The following CSMD1 variants were observed in gnomAD, a reference collection of about 807,000 sequenced individuals.
CSMD1 encodes the protein CUB and sushi domain-containing protein 1.
In CSMD1, 213 loss-of-function variants were observed where a neutral mutation model predicts 417.5. That is an observed-to-expected ratio of 0.51 (90% CI 0.46 to 0.57). CSMD1 has a LOEUF of 0.57. Ranked by LOEUF, CSMD1 falls within the 20% of genes least tolerant of loss-of-function variation. The probability of loss-of-function intolerance (pLI) is 0.00; values close to 1 mark genes in which losing one functional copy is unlikely to be tolerated. For missense variants in CSMD1, 6,923 were observed against 4,529.7 expected (o/e 1.53, Z -15.17); for synonymous variants, 2,862 against 1,736.8 (o/e 1.65, Z -16.11).
chr8:3,901,032 G>C (rs1807715339), intron 5 of CSMD1, among the ~76,000 whole-genome samples: 1 of 152,026 alleles, frequency 6.6e-6, no homozygotes, highest in South Asian at 2.1e-4. Flanking sequence ...ACATTACTTT[G>C]GTAATAAGAT....
chr8:4,479,791 C>G (rs761549612), intron 2 of CSMD1, among the ~76,000 whole-genome samples: 1 of 151,688 alleles, frequency 6.6e-6, no homozygotes, highest in Non-Finnish European at 1.5e-5. Flanking sequence ...AGAGAAACCC[C>G]GTTCTCTACT....
chr8:4,002,089 G>A (rs1225027126), intron 4 of CSMD1, among the ~76,000 whole-genome samples: 1 of 152,108 alleles, frequency 6.6e-6, no homozygotes, highest in African/African-American at 2.4e-5. Flanking sequence ...TTGATTAATT[G>A]AATATTACAC....
chr8:4,144,750 TCAGA>T (rs1425966685), intron 3 of CSMD1, among the ~76,000 whole-genome samples: 1 of 151,062 alleles, frequency 6.6e-6, no homozygotes, highest in Non-Finnish European at 1.5e-5. Context: ...TAGAGACTTC[TCAGA>T]CATAGGAGAA....
chr8:3,882,314 G>C (rs1806260832), intron 5 of CSMD1, among the ~76,000 whole-genome samples: 1 of 152,160 alleles, frequency 6.6e-6, no homozygotes, highest in Non-Finnish European at 1.5e-5. Flanking sequence ...AACTTCATTA[G>C]CAGTCAGATA....
intron 1 of CSMD1, among the ~76,000 whole-genome samples, chr8:4,821,153 C>T (rs1435295298): frequency 1.3e-5 from 2 of 152,140 alleles, no homozygotes; most frequent in Non-Finnish European, 2.9e-5. Flanking sequence ...TTCTCTGAGT[C>T]ACAGATCCTC....
chr8:3,305,138 C>G (rs541806515), intron 25 of CSMD1, among the ~76,000 whole-genome samples: 4 of 152,236 alleles, frequency 2.6e-5, no homozygotes, highest in Non-Finnish European at 5.9e-5. Flanking sequence ...GCTTCATCCC[C>G]TCAAAGAAAG....
chr8:3,817,827 CA>C (rs1355985880), intron 5 of CSMD1, among the ~76,000 whole-genome samples: 1 of 152,048 alleles, frequency 6.6e-6, no homozygotes, highest in Non-Finnish European at 1.5e-5. Flanking sequence ...CTGGCCACAC[CA>C]AGTCCAGCTT....
intron 6 of CSMD1, among the ~76,000 whole-genome samples, chr8:3,718,846 A>C (rs929045708): frequency 6.6e-6 from 1 of 152,114 alleles, no homozygotes; most frequent in Non-Finnish European, 1.5e-5. Flanking sequence ...TTTAACTTGG[A>C]AGCAGGTGGA....
At chr8:4,100,968 C>T (rs1211264366) in intron 3 of CSMD1, among the ~76,000 whole-genome samples, 2 of 152,166 alleles carry the variant, frequency 1.3e-5, no homozygotes, top group Non-Finnish European at 2.9e-5. Context: ...ATCACTCCAT[C>T]AGCACAATAC....
At chr8:4,210,544 A>C (rs962277396) in intron 3 of CSMD1, among the ~76,000 whole-genome samples, 3 of 152,214 alleles carry the variant, frequency 2.0e-5, no homozygotes, top group African/African-American at 7.2e-5. Flanking sequence ...TTTGACTTTT[A>C]AGAAAGCACA....
intron 3 of CSMD1, among the ~76,000 whole-genome samples, chr8:4,236,246 C>T (rs1213954327): frequency 1.3e-5 from 2 of 151,990 alleles, no homozygotes; most frequent in African/African-American, 4.8e-5. Flanking sequence ...ACCTACCTTC[C>T]TGAGGGGCTT....
intron 2 of CSMD1, among the ~76,000 whole-genome samples, chr8:4,590,614 G>A (rs992041350): frequency 2.6e-5 from 4 of 152,012 alleles, no homozygotes; most frequent in Non-Finnish European, 5.9e-5. Context: ...AATGTATACT[G>A]TTAATATATG....
intron 3 of CSMD1, among the ~76,000 whole-genome samples, chr8:4,109,181 G>A (rs1431316929): frequency 2.0e-5 from 3 of 152,044 alleles, no homozygotes; most frequent in Non-Finnish European, 4.4e-5. Flanking sequence ...TATTATTCAT[G>A]GAATAATAGC....
chr8:3,686,036 C>T (rs922339906), intron 7 of CSMD1, among the ~76,000 whole-genome samples: 4 of 152,094 alleles, frequency 2.6e-5, no homozygotes, highest in Non-Finnish European at 4.4e-5. Flanking sequence ...CATTAACCAA[C>T]CAATGCTCCT....
intron 23 of CSMD1, among the ~76,000 whole-genome samples, chr8:3,333,750 G>C (rs1253540448): frequency 6.6e-6 from 1 of 152,122 alleles, no homozygotes; most frequent in African/African-American, 2.4e-5. Context: ...CTACTCACTG[G>C]ATGAAAAGAT....
intron 5 of CSMD1, among the ~76,000 whole-genome samples, chr8:3,864,165 T>C (rs1585108659): frequency 6.6e-6 from 1 of 152,192 alleles, no homozygotes; most frequent in East Asian, 1.9e-4. Context: ...CCTTTAATAT[T>C]ATAGGAAATC....
intron 3 of CSMD1, among the ~76,000 whole-genome samples, chr8:4,087,599 G>A (rs763479685): frequency 6.6e-6 from 1 of 151,850 alleles, no homozygotes; most frequent in African/African-American, 2.4e-5. Flanking sequence ...CTAACTTTCT[G>A]TCTCTCTCTC....
chr8:4,563,270 G>A (rs373268468), intron 2 of CSMD1, among the ~76,000 whole-genome samples: 7 of 152,118 alleles, frequency 4.6e-5, no homozygotes, highest in Middle Eastern at 3.4e-3. Context: ...ACATGGTGGC[G>A]GGCACCTGTA....
chr8:4,528,787 CT>C (rs1796649500), intron 2 of CSMD1, among the ~76,000 whole-genome samples: 1 of 149,056 alleles, frequency 6.7e-6, no homozygotes, highest in Admixed American at 6.7e-5. Context: ...CACTTTCTCT[CT>C]CTCTCTCTCT....
Sources: gnomAD v4.1 joint callset for allele counts (sites outside exome capture counted in the v4.1 genomes callset) on GRCh38, gnomAD v4.1.1 for gene constraint, MANE v1.5 for transcripts, NCBI Gene and HGNC (gene_info 2026-07-23, HGNC 2026-07-21) for gene names.